Variants in POU6F2 observed in about 807,000 individuals in gnomAD.
POU6F2 encodes POU domain, class 6, transcription factor 2.
POU6F2 carries 31 observed loss-of-function variants against 71.3 expected under a neutral mutation model. That is an observed-to-expected ratio of 0.43 (90% CI 0.33 to 0.59). The LOEUF is 0.59. POU6F2 is among the 20% of genes least tolerant of loss of function. The pLI is 0.04. For synonymous variants in POU6F2, 347 were observed against 355.7 expected (o/e 0.98, Z 0.27); for missense variants, 783 against 856.8 (o/e 0.91, Z 1.07).
At chr7:39,287,118 G>C (rs1784665071) in intron 4 of POU6F2, among the ~76,000 whole-genome samples, 1 of 152,110 alleles carries the variant, frequency 6.6e-6, no homozygotes, top group Admixed American at 6.6e-5. Context: ...TGTGCCCACA[G>C]CATCACTTTT....
chr7:39,313,895 C>T (rs1484548197), intron 4 of POU6F2, among the ~76,000 whole-genome samples: 2 of 152,108 alleles, frequency 1.3e-5, no homozygotes, highest in Non-Finnish European at 2.9e-5. Flanking sequence ...GCTTCCCTGC[C>T]AATGGAGATT....
chr7:39,397,814 G>GTGTATATATATATATATATA (rs1554349981), intron 5 of POU6F2, among the ~76,000 whole-genome samples: 1 of 128,414 alleles, frequency 7.8e-6, no homozygotes, highest in African/African-American at 3.3e-5. Context: ...TATATTTTGT[G>GTGTATATATATATATATATA]TATATATATA....
At chr7:39,199,921 G>A (rs1177931256) in intron 2 of POU6F2, among the ~76,000 whole-genome samples, 1 of 152,166 alleles carries the variant, frequency 6.6e-6, no homozygotes, top group Non-Finnish European at 1.5e-5. Context: ...TGTATTTGCA[G>A]AGAATTAACT....
chr7:39,248,724 A>G (rs79011776), intron 4 of POU6F2, among the ~76,000 whole-genome samples: 103 of 152,304 alleles, frequency 6.8e-4, no homozygotes, highest in African/African-American at 2.4e-3. Context: ...TGGAGTGCAA[A>G]CACAAAGCAA....
chr7:39,397,169 G>T (rs1472434679), intron 5 of POU6F2, among the ~76,000 whole-genome samples: 1 of 152,026 alleles, frequency 6.6e-6, no homozygotes, highest in African/African-American at 2.4e-5. Flanking sequence ...GACTCTGCCT[G>T]TGCAACTAAG....
chr7:39,134,794 C>T (rs977590080), intron 2 of POU6F2, among the ~76,000 whole-genome samples: 4 of 152,112 alleles, frequency 2.6e-5, no homozygotes, highest in African/African-American at 9.7e-5. Flanking sequence ...GTCTCTGTTC[C>T]GGAGATTCTG....
intron 5 of POU6F2, among the ~76,000 whole-genome samples, chr7:39,349,421 G>A (rs778938277): frequency 5.9e-5 from 9 of 152,112 alleles, no homozygotes; most frequent in Non-Finnish European, 1.0e-4. Flanking sequence ...CCTGGACCAC[G>A]TAGCCCCTGC....
intron 2 of POU6F2, among the ~76,000 whole-genome samples, chr7:39,170,083 G>A (rs769365192): frequency 5.3e-5 from 8 of 152,172 alleles, no homozygotes; most frequent in Admixed American, 2.6e-4. Context: ...AGGGAGAATC[G>A]CTTGAACCTG....
At chr7:39,137,472 A>G (rs1230013447) in intron 2 of POU6F2, among the ~76,000 whole-genome samples, 2 of 152,234 alleles carry the variant, frequency 1.3e-5, no homozygotes, top group Non-Finnish European at 2.9e-5. Context: ...TATATTTGCT[A>G]TACAATTCCA....
chr7:39,310,331 T>A lies in POU6F2; in HGVS notation c.599-29311T>A, dbSNP rs1410644779. On this transcript the variant is annotated intron_variant, in intron 4 of 9. Transcript: ENST00000518318. ...ACACACTTAGGAAATAACAGCTTTA[T>A]GTATAAGGCGTGGAAGGGATAAGTG... is the stretch of plus-strand genomic sequence containing the variant. Among the ~76,000 whole-genome samples the A allele has an allele frequency of 2.0e-5, 3 of 152,360 alleles. No individual in the cohort carries two copies. The South Asian group carries it at 6.2e-4, about 32-fold the overall frequency.
In POU6F2 at chr7:39,464,146, A is replaced by G; in HGVS notation, c.1659-36A>G. 6.3e-7 allele frequency: 1 copy of G among 1,580,110 alleles called. No individual in the cohort carries two copies. Among genetic ancestry groups the G allele is most frequent in the Non-Finnish European group, 8.6e-7 (1 of 1,159,660 alleles). On this transcript the variant is annotated intron_variant, in intron 9 of 9. Coordinates refer to ENST00000518318, the MANE Select transcript of POU6F2 (RefSeq NM_001370959.1). The surrounding 1 kb of genome is among the most constrained non-coding windows in gnomAD (Gnocchi z 4.1). ...GGAGGCCCACCCTGGCAGAGGACTCAGTGTAAGACTGTTCTTTCTCAATTT... is the reference window on the plus strand; with the variant it reads ...GGAGGCCCACCCTGGCAGAGGACTCGGTGTAAGACTGTTCTTTCTCAATTT...
intron 1 of POU6F2, among the ~76,000 whole-genome samples, chr7:39,015,919 A>ATGTTG (rs1789507997): frequency 2.1e-5 from 1 of 46,942 alleles, no homozygotes; most frequent in African/African-American, 7.9e-5. Context: ...TATATATTAT[A>ATGTTG]TATAGATATA....
chr7:39,399,289 G>A (rs1274002616), intron 5 of POU6F2, among the ~76,000 whole-genome samples: 2 of 152,006 alleles, frequency 1.3e-5, no homozygotes, highest in Non-Finnish European at 2.9e-5. Context: ...TCTGTCATTC[G>A]CACTGTATCC....
At chr7:39,092,415 A>T (rs777097503) in intron 2 of POU6F2, among the ~76,000 whole-genome samples, 4 of 152,060 alleles carry the variant, frequency 2.6e-5, no homozygotes, top group Non-Finnish European at 4.4e-5. Context: ...TACTTTTTAA[A>T]TGTTTATCTT....
intron 4 of POU6F2, among the ~76,000 whole-genome samples, chr7:39,311,731 TGATA>T (rs1167585343): frequency 4.0e-4 from 61 of 152,240 alleles, no homozygotes; most frequent in Non-Finnish European, 7.6e-4. Flanking sequence ...GCGAAGGCTG[TGATA>T]GATAGAGACA....
chr7:39,017,500 A>G (rs1179384885), intron 1 of POU6F2, among the ~76,000 whole-genome samples: 1 of 152,186 alleles, frequency 6.6e-6, no homozygotes, highest in Non-Finnish European at 1.5e-5. Context: ...TCTTATGATA[A>G]CCTAAAGCAG....
intron 4 of POU6F2, among the ~76,000 whole-genome samples, chr7:39,330,387 C>T (rs543742305): frequency 4.3e-4 from 66 of 152,232 alleles, no homozygotes; most frequent in African/African-American, 1.3e-3. Context: ...ACGTAGTACC[C>T]CGGTCCTCCC....
At chr7:39,287,871 T>C (rs1784678426) in intron 4 of POU6F2, among the ~76,000 whole-genome samples, 1 of 121,866 alleles carries the variant, frequency 8.2e-6, no homozygotes, top group Non-Finnish European at 1.9e-5. Flanking sequence ...GCCTTGACGG[T>C]ATACGCAGCA....
intron 8 of POU6F2, among the ~76,000 whole-genome samples, chr7:39,455,461 GGCT>G (rs1435688042): frequency 6.6e-6 from 1 of 152,010 alleles, no homozygotes. Flanking sequence ...ACTCCCAAAT[GGCT>G]TCCTATTTCT....
Sources: gnomAD v4.1 joint callset for allele counts (sites outside exome capture counted in the v4.1 genomes callset) on GRCh38, gnomAD v4.1.1 for gene constraint, Gnocchi (gnomAD v3.1) non-coding constraint, MANE v1.5 for transcripts, NCBI Gene and HGNC (gene_info 2026-07-23, HGNC 2026-07-21) for gene names.